The following RAP1A variants were observed in gnomAD, a reference collection of about 807,000 sequenced individuals.
The protein encoded by RAP1A is RAP1A, member of RAS oncogene family, also known as ras-related protein Rap-1A.
A neutral mutation model predicts 26.4 loss-of-function variants in RAP1A; 6 were observed. The ratio of observed to expected loss-of-function variants is 0.23; its 90% confidence interval spans 0.12 to 0.45. The LOEUF is 0.45. Among genes scored for constraint, RAP1A ranks in the 20% least tolerant of loss-of-function variants. The pLI is 0.99. For missense variants in RAP1A, 121 were observed against 217.2 expected, an observed-to-expected ratio of 0.56 and a Z score of 2.78; for synonymous variants, 73 against 79.4, an observed-to-expected ratio of 0.92 and a Z score of 0.43.
chr1:111,608,473 G>GAC (rs534098054), intron 1 of RAP1A: 1,883 of 169,716 alleles, frequency 0.011, 7 homozygotes, highest in Non-Finnish European at 0.018. Context: ...GCCAGGCAGA[G>GAC]ACGCTCCTCA....
At chr1:111,666,942 G>C (rs1313854703) in intron 1 of RAP1A, among the ~76,000 whole-genome samples, 1 of 152,214 alleles carries the variant, frequency 6.6e-6, no homozygotes. Flanking sequence ...ATAGGGATAT[G>C]GAGCAAGATG....
At chr1:111,665,897 T>A (rs2101168786) in intron 1 of RAP1A, among the ~76,000 whole-genome samples, 1 of 152,340 alleles carries the variant, frequency 6.6e-6, no homozygotes, top group East Asian at 1.9e-4. Flanking sequence ...ATATGAAGCA[T>A]ATATTTTACT....
intron 1 of RAP1A, among the ~76,000 whole-genome samples, chr1:111,677,966 G>C (rs940109056): frequency 6.6e-6 from 1 of 152,200 alleles, no homozygotes; most frequent in African/African-American, 2.4e-5. Context: ...ATGTGTTGCT[G>C]TGTTTCGACT....
chr1:111,549,703 C>G (rs1476041652), intron 1 of RAP1A, among the ~76,000 whole-genome samples: 1 of 151,672 alleles, frequency 6.6e-6, no homozygotes, highest in Non-Finnish European at 1.5e-5. Context: ...GGCTGGAATG[C>G]ATTGGACAAA....
intron 1 of RAP1A, among the ~76,000 whole-genome samples, chr1:111,682,092 C>G (rs895924770): frequency 2.0e-5 from 3 of 152,116 alleles, no homozygotes; most frequent in East Asian, 1.9e-4. Context: ...TCCAGCCAAA[C>G]TAAGCTTCAT....
chr1:111,652,481 G>A (rs183347055), intron 1 of RAP1A, among the ~76,000 whole-genome samples: 109 of 146,746 alleles, frequency 7.4e-4, no homozygotes, highest in Admixed American at 1.6e-3. Context: ...TTTTTAAAGA[G>A]TTTTTTTTTT....
intron 1 of RAP1A, among the ~76,000 whole-genome samples, chr1:111,600,484 G>A (rs1244222414): frequency 6.6e-6 from 1 of 152,216 alleles, no homozygotes; most frequent in East Asian, 1.9e-4. Flanking sequence ...GTGGCCACAC[G>A]CCAGGCAGCA....
intron 1 of RAP1A, among the ~76,000 whole-genome samples, chr1:111,643,924 G>T (rs1458937667): frequency 1.3e-5 from 2 of 152,220 alleles, no homozygotes; most frequent in African/African-American, 4.8e-5. Context: ...CCAACACATT[G>T]CAGATTCTGT....
chr1:111,582,711 T>C (rs1470502395), intron 1 of RAP1A, among the ~76,000 whole-genome samples: 1 of 152,216 alleles, frequency 6.6e-6, no homozygotes, highest in Non-Finnish European at 1.5e-5. Flanking sequence ...CACCCTCTGC[T>C]CAGGCTTTTT....
At chr1:111,612,838 AT>A in intron 1 of RAP1A, among the ~76,000 whole-genome samples, 1 of 152,360 alleles carries the variant, frequency 6.6e-6, no homozygotes, top group Non-Finnish European at 1.5e-5. Flanking sequence ...TAATAGATAT[AT>A]TTATTATAAC....
At chr1:111,621,159 T>C (rs1255722020) in intron 1 of RAP1A, among the ~76,000 whole-genome samples, 1 of 152,166 alleles carries the variant, frequency 6.6e-6, no homozygotes, top group Non-Finnish European at 1.5e-5. Context: ...AAGTATCAGC[T>C]CTTAGATTTA....
At chr1:111,636,096 A>G (rs2101111212) in intron 1 of RAP1A, among the ~76,000 whole-genome samples, 1 of 152,252 alleles carries the variant, frequency 6.6e-6, no homozygotes, top group South Asian at 2.1e-4. Flanking sequence ...AAAATTTATA[A>G]TCTGGTATAG....
In RAP1A at chr1:111,705,607, T is replaced by C. The variant is rs1434646563; in HGVS notation, c.468+1121T>C. On this transcript the variant is annotated intron_variant, in intron 6 of 7. Transcript: ENST00000369709. ...AAACAAGAAATTTATAAATTGTATT[T>C]ATTCAGCAAATATTTATTGACTATT... Among the ~76,000 whole-genome samples the C allele has an allele frequency of 3.9e-5, 6 of 152,340 alleles. No homozygotes were observed. In the East Asian group the frequency reaches 1.2e-3, roughly 29 times the overall value.
chr1:111,590,811 T>C (rs1374732132), intron 1 of RAP1A, among the ~76,000 whole-genome samples: 1 of 152,190 alleles, frequency 6.6e-6, no homozygotes, highest in African/African-American at 2.4e-5. Flanking sequence ...TTTTCTATTA[T>C]TTTGTTTAGA....
intron 1 of RAP1A, among the ~76,000 whole-genome samples, chr1:111,665,900 A>G (rs1660785721): frequency 3.3e-5 from 5 of 152,196 alleles, no homozygotes; most frequent in Admixed American, 2.0e-4. Flanking sequence ...TGAAGCATAT[A>G]TTTTACTTTA....
At chr1:111,672,269 T>G (rs1660998230) in intron 1 of RAP1A, among the ~76,000 whole-genome samples, 3 of 152,192 alleles carry the variant, frequency 2.0e-5, no homozygotes. Flanking sequence ...TTCTATTGAG[T>G]GCTATTAACA....
At chr1:111,570,723 T>A (rs1383521949) in intron 1 of RAP1A, among the ~76,000 whole-genome samples, 3 of 152,052 alleles carry the variant, frequency 2.0e-5, no homozygotes, top group Non-Finnish European at 4.4e-5. Flanking sequence ...GAAGCAAACA[T>A]GTATGAAGAG....
intron 1 of RAP1A, among the ~76,000 whole-genome samples, chr1:111,665,552 T>A (rs1257133187): frequency 6.6e-6 from 1 of 152,210 alleles, no homozygotes; most frequent in Non-Finnish European, 1.5e-5. Flanking sequence ...TCTGCAATGA[T>A]AATAGTTATA....
rs1158715623 is a variant in RAP1A at position 111,709,130 on chromosome 1, T to C, written c.469-19T>C. 6.3e-7 allele frequency: 1 copy of C among 1,598,052 alleles called. No homozygotes were observed. ...CAAAAACTGGTGGAGTAAGTACTTT[T>C]TTTCTTGTTTTTACTTAGATATTTT... On this transcript the variant is annotated intron_variant, in intron 6 of 7. Coordinates refer to ENST00000369709, the MANE Select transcript of RAP1A (RefSeq NM_002884.4).
Sources: allele counts gnomAD v4.1 joint callset (sites outside exome capture counted in the v4.1 genomes callset), GRCh38; gene constraint gnomAD v4.1.1; transcripts MANE v1.5; gene names NCBI Gene and HGNC (gene_info 2026-07-23, HGNC 2026-07-21).